Variants in ICE2 observed in about 807,000 individuals in gnomAD.
The protein encoded by ICE2 is little elongation complex subunit 2.
Under a neutral mutation model 105.4 loss-of-function variants are expected in ICE2, and 87 were observed. That is an observed-to-expected ratio of 0.83 (90% confidence interval 0.69 to 0.99). The LOEUF (loss-of-function observed/expected upper bound fraction) is 0.99, where lower values mean the gene tolerates loss of function less well. ICE2 is among the 50% of genes least tolerant of loss of function. The pLI, the probability that ICE2 is intolerant of heterozygous loss-of-function variation, is 0.00. For synonymous variants in ICE2, 399 were observed against 392.0 expected (o/e 1.02, Z -0.21); for missense variants, 1,323 against 1,146.7 (o/e 1.15, Z -2.22).
chr15:60,428,391 A>G (rs1167719580), intron 15 of ICE2, 38 bp downstream of exon 15: 1 of 1,588,458 alleles, frequency 6.3e-7, no homozygotes, highest in Admixed American at 1.7e-5. Flanking sequence ...CGAATAATAA[A>G]CAACCTAATG....
At chr15:60,448,783 G>T in intron 10 of ICE2, 65 bp downstream of exon 10, 2 of 1,361,680 alleles carry the variant, frequency 1.5e-6, no homozygotes, top group Non-Finnish European at 1.0e-6. Flanking sequence ...AAAGGAACGA[G>T]GGAGAAAAAC....
chr15:60,442,255 T>C, intron 12 of ICE2, 161 bp downstream of exon 12: 1 of 602,870 alleles, frequency 1.7e-6, no homozygotes, highest in South Asian at 2.3e-5. Flanking sequence ...ATCACATGAC[T>C]ATACTCCAGC....
intron 5 of ICE2, 137 bp downstream of exon 5, chr15:60,466,457 G>A (rs1469460953): frequency 6.8e-6 from 6 of 879,928 alleles, no homozygotes; most frequent in Non-Finnish European, 1.0e-5. Context: ...TTTAATGCAT[G>A]ATGAAGAAAA....
chr15:60,470,223 A>G (rs978916580), intron 3 of ICE2, among the ~76,000 whole-genome samples: 3 of 152,226 alleles, frequency 2.0e-5, no homozygotes, highest in African/African-American at 7.2e-5. Context: ...AATGAAGAAG[A>G]AAGAAAAGTA....
intron 3 of ICE2, among the ~76,000 whole-genome samples, chr15:60,471,301 A>C (rs917477475): frequency 6.6e-6 from 1 of 152,244 alleles, no homozygotes; most frequent in Non-Finnish European, 1.5e-5. Flanking sequence ...AGCATATTTT[A>C]GGTAAACAAA....
At chr15:60,441,815 T>C (rs2063726673) in intron 12 of ICE2, 1 of 152,184 alleles carries the variant, frequency 6.6e-6, no homozygotes, top group South Asian at 2.1e-4. Context: ...CTAATCCCCA[T>C]ACCCCAGCAG....
At chr15:60,461,177 C>T (rs12442912) in intron 5 of ICE2, among the ~76,000 whole-genome samples, 3,508 of 152,198 alleles carry the variant, frequency 0.023, 154 homozygotes, top group Admixed American at 0.1. Context: ...GCAAATATTT[C>T]TATGCTAGAA....
chr15:60,472,552 TAAAGA>T (rs970782526), intron 3 of ICE2, among the ~76,000 whole-genome samples: 2 of 152,214 alleles, frequency 1.3e-5, no homozygotes, highest in African/African-American at 4.8e-5. Context: ...TATAGAAATC[TAAAGA>T]AAACAAGGAT....
chr15:60,478,803 C>A (rs1416043345), intron 1 of ICE2, 200 bp downstream of exon 1: 2 of 369,222 alleles, frequency 5.4e-6, no homozygotes, highest in Non-Finnish European at 1.1e-5. Context: ...GGAAAGGGGA[C>A]GCAAAGAGAG....
chr15:60,444,872 A>G (rs2063789799), intron 11 of ICE2, among the ~76,000 whole-genome samples: 1 of 152,080 alleles, frequency 6.6e-6, no homozygotes, highest in African/African-American at 2.4e-5. Context: ...TTTAGTAGAG[A>G]TGGGGTTTCA....
intron 5 of ICE2, among the ~76,000 whole-genome samples, chr15:60,458,482 C>T (rs576576617): frequency 6.6e-6 from 1 of 152,180 alleles, no homozygotes; most frequent in African/African-American, 2.4e-5. Context: ...TAAATCAACA[C>T]ATAGAGGAGA....
At chr15:60,439,052 A>G (rs1261852841) in intron 12 of ICE2, 2 of 152,366 alleles carry the variant, frequency 1.3e-5, no homozygotes, top group African/African-American at 4.8e-5. Context: ...GCATACATGC[A>G]TTCATATGTG....
At chr15:60,453,238 A>T (rs968711655) in intron 9 of ICE2, 1 of 1,009,128 alleles carries the variant, frequency 9.9e-7, no homozygotes, top group African/African-American at 1.7e-5. Flanking sequence ...TCTCAAAAAA[A>T]TAAAACTCTT....
At position 60,423,712 on chromosome 15, in the gene ICE2, C is replaced by T. The variant is rs755519367; in HGVS notation, c.2871G>A (p.Met957Ile). The T allele has an allele frequency of 8.1e-6, 13 of 1,601,974 alleles. No individual in the cohort carries two copies. Among genetic ancestry groups the T allele is most frequent in the Non-Finnish European group, 7.6e-6 (9 of 1,176,974 alleles). ...CAGGCAAGCAACTGCTTTTGGTTTCCATGGAAACTGGATTCCTGTGGCTGC... is the reference window on the plus strand; with the variant it reads ...CAGGCAAGCAACTGCTTTTGGTTTCTATGGAAACTGGATTCCTGTGGCTGC... ...PTRSHRNPVSMETKSSCLPAQ... is the reference protein window; with the variant it reads ...PTRSHRNPVSIETKSSCLPAQ... Residue 957 changes from methionine (M) to isoleucine (I), a missense_variant, in exon 16 of 16, where the codon ATG becomes ATA. Transcript: ENST00000261520.
At chr15:60,444,322 C>T (rs984514400) in intron 11 of ICE2, among the ~76,000 whole-genome samples, 1 of 152,062 alleles carries the variant, frequency 6.6e-6, no homozygotes, top group Admixed American at 6.5e-5. Flanking sequence ...AAAACCAAGT[C>T]CTAAAACCAG....
intron 12 of ICE2, chr15:60,438,929 T>A (rs1285672149): frequency 6.6e-6 from 1 of 152,236 alleles, no homozygotes; most frequent in Non-Finnish European, 1.5e-5. Context: ...TTTATGTGCA[T>A]CAAGGTTGGA....
chr15:60,458,888 T>C (rs1288137669), intron 5 of ICE2, among the ~76,000 whole-genome samples: 3 of 152,126 alleles, frequency 2.0e-5, no homozygotes, highest in East Asian at 1.9e-4. Flanking sequence ...TTTCCTCTTA[T>C]ATGGGGAACC....
At chr15:60,468,446 T>A in intron 3 of ICE2, 124 bp from the exon 4 acceptor site, 1 of 712,230 alleles carries the variant, frequency 1.4e-6, no homozygotes, top group Non-Finnish European at 2.3e-6. Flanking sequence ...TCTGGATTAT[T>A]ATCTAACTCT....
At chr15:60,436,287 A>T (rs914507870) in intron 12 of ICE2, 60 bp from the exon 13 acceptor site, 1 of 632,634 alleles carries the variant, frequency 1.6e-6, no homozygotes, top group Non-Finnish European at 2.6e-6. Context: ...AAAAAAAAAA[A>T]ACCAAGTTAT....
Sources: allele counts gnomAD v4.1 joint callset (sites outside exome capture counted in the v4.1 genomes callset), GRCh38; gene constraint gnomAD v4.1.1; transcripts MANE v1.5; gene names NCBI Gene and HGNC (gene_info 2026-07-23, HGNC 2026-07-21).